The following TAFA5 variants were observed in gnomAD, a reference collection of about 807,000 sequenced individuals.
TAFA5 encodes chemokine-like protein TAFA-5.
A neutral mutation model predicts 15.3 loss-of-function variants in TAFA5; 6 were observed. The observed-to-expected ratio is 0.39, with a 90% CI of 0.21 to 0.77. The LOEUF is 0.77. Among genes scored for constraint, TAFA5 ranks in the 30% least tolerant of loss-of-function variants. TAFA5 has a pLI of 0.41. For missense variants in TAFA5, 161 were observed against 193.1 expected (o/e 0.83, Z 0.98); for synonymous variants, 103 against 80.7 (o/e 1.28, Z -1.48).
chr22:48,489,715 C>G lies in TAFA5; in HGVS notation c.112+11C>G. The G allele has an allele frequency of 7.0e-7, 1 of 1,438,820 alleles. No individual in the cohort carries two copies. Among genetic ancestry groups the G allele is most frequent in the Non-Finnish European group, 9.2e-7 (1 of 1,084,896 alleles). 89.1% of individuals were successfully genotyped at this position (1,438,820 alleles called of 1,614,324 possible). ...TCATCGCCTACTGCAGTGAGTACCG[C>G]GCGGCCCCGGCCCCGGCACGGCCCT... On this transcript the variant is annotated intron_variant, in intron 1 of 3. Coordinates refer to ENST00000402357, the MANE Select transcript of TAFA5 (RefSeq NM_001082967.3). This position sits in a 1 kb window ranked among gnomAD's most constrained non-coding sequence, Gnocchi z 5.5.
At chr22:48,746,811 T>C (rs1176149514) in intron 3 of TAFA5, among the ~76,000 whole-genome samples, 1 of 152,130 alleles carries the variant, frequency 6.6e-6, no homozygotes, top group Non-Finnish European at 1.5e-5. Context: ...GCAGCCTGCT[T>C]CCTCAGCAGA....
At position 48,678,471 on chromosome 22, in the gene TAFA5, G is replaced by A. The variant is rs74746260; in HGVS notation, c.263-29246G>A. Among the ~76,000 whole-genome samples the A allele has an allele frequency of 2.9e-3, 436 of 152,300 alleles. 13 individuals carry two copies. In the East Asian group the frequency reaches 0.065, roughly 23 times the overall value. ...TCGGGCACCAGGCGAGAATGCTGAG[G>A]CCTGTGGTCCAGGGAAGGGCTTCAA... On this transcript the variant is annotated intron_variant, in intron 2 of 3. Transcript: ENST00000402357.
At chr22:48,749,653 G>T (rs1486259054) in intron 3 of TAFA5, among the ~76,000 whole-genome samples, 186 bp from the exon 4 acceptor site, 4 of 152,180 alleles carry the variant, frequency 2.6e-5, no homozygotes, top group Admixed American at 1.3e-4. Flanking sequence ...CACAAGGAAG[G>T]GTGGGGATTT....
In TAFA5 at chr22:48,508,622, G is replaced by A. The variant is rs145690400; in HGVS notation, c.112+18918G>A. Among the ~76,000 whole-genome samples the A allele has an allele frequency of 2.1e-3, 315 of 152,270 alleles. 6 individuals are homozygous for A. In the East Asian group the frequency reaches 0.038, roughly 18 times the overall value. On this transcript the variant is annotated intron_variant, in intron 1 of 3. Coordinates refer to ENST00000402357, the MANE Select transcript of TAFA5 (RefSeq NM_001082967.3). ...ATGGGTCCCAGGACTCAACCCAAGC[G>A]TTCCCTGTAACAACCTAACTGCAGT...
intron 3 of TAFA5, among the ~76,000 whole-genome samples, chr22:48,719,173 G>A (rs953926180): frequency 1.3e-5 from 2 of 152,158 alleles, no homozygotes; most frequent in African/African-American, 4.8e-5. Context: ...GCACACACCC[G>A]CAGGGGCTCT....
intron 3 of TAFA5, among the ~76,000 whole-genome samples, chr22:48,720,610 T>C (rs1016387160): frequency 5.3e-5 from 8 of 152,146 alleles, no homozygotes; most frequent in Admixed American, 3.9e-4. Flanking sequence ...CCTCCGGCTA[T>C]GCAGGTGCGG....
intron 2 of TAFA5, among the ~76,000 whole-genome samples, chr22:48,662,970 G>T (rs2147215701): frequency 6.6e-6 from 1 of 152,290 alleles, no homozygotes; most frequent in South Asian, 2.1e-4. Context: ...AGACCACTCG[G>T]CAGATCTGGC....
chr22:48,713,627 T>C (rs1165067751), intron 3 of TAFA5, among the ~76,000 whole-genome samples: 3 of 152,212 alleles, frequency 2.0e-5, no homozygotes, highest in African/African-American at 7.2e-5. Context: ...AGCTCTCCCG[T>C]TGGCATCTCC....
intron 1 of TAFA5, among the ~76,000 whole-genome samples, chr22:48,643,056 G>T (rs1926739784): frequency 6.6e-6 from 1 of 152,182 alleles, no homozygotes; most frequent in Non-Finnish European, 1.5e-5. Context: ...CCCTGGCCTG[G>T]CAGAGCCCAT....
intron 2 of TAFA5, among the ~76,000 whole-genome samples, chr22:48,702,469 C>T (rs1183338025): frequency 6.6e-6 from 1 of 152,096 alleles, no homozygotes; most frequent in African/African-American, 2.4e-5. Flanking sequence ...CTCCCTTCTC[C>T]AGCCACGTCC....
chr22:48,687,796 C>T (rs1460428983), intron 2 of TAFA5, among the ~76,000 whole-genome samples: 1 of 152,184 alleles, frequency 6.6e-6, no homozygotes, highest in Non-Finnish European at 1.5e-5. Context: ...TAGCTGCCCC[C>T]ACATACCACG....
chr22:48,654,578 C>T (rs1445095132), intron 2 of TAFA5, among the ~76,000 whole-genome samples: 2 of 152,254 alleles, frequency 1.3e-5, no homozygotes, highest in Admixed American at 6.5e-5. Flanking sequence ...ACGTCCCATC[C>T]CTCGTCCTGT....
chr22:48,637,517 CTAATTGAT>C (rs1926492780), intron 1 of TAFA5, among the ~76,000 whole-genome samples: 1 of 152,214 alleles, frequency 6.6e-6, no homozygotes, highest in South Asian at 2.1e-4. Flanking sequence ...TAGTAACATC[CTAATTGAT>C]GTGCGGAGCC....
chr22:48,597,924 C>T (rs1322267977), intron 1 of TAFA5, among the ~76,000 whole-genome samples: 1 of 152,220 alleles, frequency 6.6e-6, no homozygotes, highest in Admixed American at 6.5e-5. Context: ...GAGCGTGACG[C>T]TGATGGCATG....
intron 2 of TAFA5, among the ~76,000 whole-genome samples, chr22:48,668,843 T>A (rs931162912): frequency 6.6e-6 from 1 of 152,226 alleles, no homozygotes; most frequent in South Asian, 2.1e-4. Context: ...TCCCTCCTGG[T>A]GGAGGCTGCT....
chr22:48,501,335 A>T (rs1034375564), intron 1 of TAFA5, among the ~76,000 whole-genome samples: 2 of 152,212 alleles, frequency 1.3e-5, no homozygotes, highest in Non-Finnish European at 2.9e-5. Context: ...GAGCAAACCT[A>T]AGGCCCGTTG....
intron 1 of TAFA5, among the ~76,000 whole-genome samples, chr22:48,574,362 G>A (rs1177203437): frequency 6.6e-6 from 1 of 152,172 alleles, no homozygotes; most frequent in Non-Finnish European, 1.5e-5. Flanking sequence ...CCGGCTGCTG[G>A]GCACCGCGAG....
chr22:48,681,490 CA>C (rs33981971), intron 2 of TAFA5, among the ~76,000 whole-genome samples: 3,256 of 134,604 alleles, frequency 0.024, 135 homozygotes, highest in African/African-American at 0.085. Context: ...TAAAAAAATA[CA>C]AAAAAAAAAA....
rs62225024 is a variant in TAFA5 at position 48,723,089 on chromosome 22, C to T, written c.390+15245C>T. Among the ~76,000 whole-genome samples, 773 of 152,248 alleles carry T rather than the reference C, an allele frequency of 5.1e-3. 4 individuals are homozygous for T. The highest frequency in any genetic ancestry group is 8.5e-3 in the South Asian group (41 of 4,820). ...GCCCCAGGTTCCCATCATGACAGAC[C>T]GGTCCCTTTGTCACAGCACCTGTGT... On this transcript the variant is annotated intron_variant, in intron 3 of 3. Transcript: ENST00000402357.
Sources: allele counts gnomAD v4.1 joint callset (sites outside exome capture counted in the v4.1 genomes callset), GRCh38; gene constraint gnomAD v4.1.1; non-coding constraint Gnocchi (gnomAD v3.1); transcripts MANE v1.5; gene names NCBI Gene and HGNC (gene_info 2026-07-23, HGNC 2026-07-21).